OR1J2: variants seen among roughly 807,000 people sequenced by gnomAD.
OR1J2 encodes the protein olfactory receptor family 1 subfamily J member 2, also known as olfactory receptor 1J2.
For synonymous variants in OR1J2, 142 were observed against 99.7 expected (o/e 1.42, Z -2.52); for missense variants, 304 against 246.1 (o/e 1.24, Z -1.57).
the OR1J2 span, chr9:122,477,234 G>A: frequency 6.2e-7 from 1 of 1,613,870 alleles, no homozygotes; most frequent in Non-Finnish European, 8.5e-7. Context: ...ATATGCCCTT[G>A]GTAGAGGGAA....
At chr9:122,501,009 G>T in the OR1J2 span, among the ~76,000 whole-genome samples, 1 of 152,050 alleles carries the variant, frequency 6.6e-6, no homozygotes, top group Non-Finnish European at 1.5e-5. Context: ...CATAATTTTT[G>T]AAAGAACACA....
the OR1J2 span, among the ~76,000 whole-genome samples, chr9:122,475,522 C>T: frequency 6.6e-6 from 1 of 152,180 alleles, no homozygotes; most frequent in African/African-American, 2.4e-5. Flanking sequence ...ATGCAGCTTT[C>T]TCTGAAAGAA....
chr9:122,504,895 A>G, the OR1J2 span, among the ~76,000 whole-genome samples: 6 of 152,038 alleles, frequency 3.9e-5, no homozygotes, highest in African/African-American at 1.4e-4. Flanking sequence ...CAGTGCACCA[A>G]GTGTCTGGCG....
the OR1J2 span, among the ~76,000 whole-genome samples, chr9:122,523,307 CAG>C: frequency 6.6e-6 from 1 of 152,050 alleles, no homozygotes; most frequent in Non-Finnish European, 1.5e-5. Context: ...TGAGTCTAGA[CAG>C]GGAGACAAAG....
At chr9:122,568,078 C>T in the OR1J2 span, 1 of 1,613,958 alleles carries the variant, frequency 6.2e-7, no homozygotes, top group East Asian at 2.2e-5. Context: ...ATGGTGGTGA[C>T]ATAGTGGAAA....
the OR1J2 span, among the ~76,000 whole-genome samples, chr9:122,537,368 G>A: frequency 3.9e-5 from 6 of 152,156 alleles, no homozygotes; most frequent in Non-Finnish European, 8.8e-5. Flanking sequence ...GCCTGGTTTC[G>A]GGCCTGGTGC....
At chr9:122,476,305 C>G in the OR1J2 span, among the ~76,000 whole-genome samples, 2 of 152,112 alleles carry the variant, frequency 1.3e-5, no homozygotes, top group African/African-American at 4.8e-5. Context: ...GAAAGAGGAG[C>G]CATATCTTCA....
chr9:122,547,673 T>G, the OR1J2 span, among the ~76,000 whole-genome samples: 1 of 150,634 alleles, frequency 6.6e-6, no homozygotes, highest in Non-Finnish European at 1.5e-5. Flanking sequence ...ACACACTACA[T>G]TTTCTTTATC....
the OR1J2 span, chr9:122,568,236 T>C: frequency 6.2e-7 from 1 of 1,614,142 alleles, no homozygotes; most frequent in Non-Finnish European, 8.5e-7. Flanking sequence ...CATCAGCATC[T>C]TGGGGACAAC....
At chr9:122,547,529 T>A in the OR1J2 span, among the ~76,000 whole-genome samples, 11 of 151,366 alleles carry the variant, frequency 7.3e-5, no homozygotes, top group Non-Finnish European at 1.5e-4. Context: ...CTCAGCCCCC[T>A]CCCACCTTCC....
At chr9:122,468,580 T>A in the OR1J2 span, among the ~76,000 whole-genome samples, 1 of 152,110 alleles carries the variant, frequency 6.6e-6, no homozygotes, top group South Asian at 2.1e-4. Context: ...ACTTCAGGGA[T>A]CTTAACCCAA....
chr9:122,456,100 T>C, the OR1J2 span, among the ~76,000 whole-genome samples: 1 of 152,206 alleles, frequency 6.6e-6, no homozygotes, highest in Non-Finnish European at 1.5e-5. Context: ...ACGGCAGTTT[T>C]GTAGTATATT....
the OR1J2 span, among the ~76,000 whole-genome samples, chr9:122,487,712 G>A: frequency 1.3e-5 from 2 of 152,272 alleles, no homozygotes; most frequent in East Asian, 3.9e-4. Context: ...CCCTTTACCT[G>A]CCTGGATGGG....
chr9:122,531,455 C>A, the OR1J2 span, among the ~76,000 whole-genome samples: 3 of 152,064 alleles, frequency 2.0e-5, no homozygotes, highest in East Asian at 3.9e-4. Flanking sequence ...GTAGGGATGG[C>A]AGGTTTTTTG....
the OR1J2 span, among the ~76,000 whole-genome samples, chr9:122,556,980 C>T: frequency 1.3e-5 from 2 of 152,090 alleles, no homozygotes; most frequent in Non-Finnish European, 2.9e-5. Context: ...TTATATCTAA[C>T]AAATTGGGGG....
the OR1J2 span, among the ~76,000 whole-genome samples, chr9:122,565,290 A>G: frequency 6.6e-6 from 1 of 152,226 alleles, no homozygotes; most frequent in Non-Finnish European, 1.5e-5. Flanking sequence ...CAAAGATATG[A>G]AGATATCTGT....
At chr9:122,569,949 G>A in the OR1J2 span, among the ~76,000 whole-genome samples, 10 of 149,886 alleles carry the variant, frequency 6.7e-5, no homozygotes, top group East Asian at 2.0e-4. Context: ...TTGTTCTTGC[G>A]ATAGTTTACT....
the OR1J2 span, chr9:122,568,512 C>A: frequency 1.6e-6 from 2 of 1,240,694 alleles, no homozygotes; most frequent in South Asian, 2.9e-5. Flanking sequence ...GAAGTTTTGT[C>A]ATTTAACATG....
the OR1J2 span, chr9:122,526,434 A>T: frequency 6.5e-7 from 1 of 1,529,416 alleles, no homozygotes; most frequent in East Asian, 2.3e-5. Context: ...TAGGCTATAG[A>T]TAAAGGGGTT....
Sources: allele counts gnomAD v4.1 joint callset (sites outside exome capture counted in the v4.1 genomes callset), GRCh38; gene constraint gnomAD v4.1.1; transcripts MANE v1.5; gene names NCBI Gene and HGNC (gene_info 2026-07-23, HGNC 2026-07-21).